CUL2: variants seen among roughly 807,000 people sequenced by gnomAD.
CUL2 encodes cullin-2.
A neutral mutation model predicts 110.2 loss-of-function variants in CUL2; 22 were observed. The ratio of observed to expected loss-of-function variants is 0.20; its 90% CI spans 0.14 to 0.28. CUL2 has a LOEUF of 0.28. CUL2 is among the 10% of genes least tolerant of loss of function. The pLI is 1.00. For synonymous variants in CUL2, 279 were observed against 293.2 expected (o/e 0.95, Z 0.49); for missense variants, 631 against 905.5 (o/e 0.70, Z 3.89).
chr10:35,060,002 G>A (rs1564730250), intron 4 of CUL2, among the ~76,000 whole-genome samples: 1 of 152,216 alleles, frequency 6.6e-6, no homozygotes, highest in Non-Finnish European at 1.5e-5. Context: ...GCTCATGCCT[G>A]TAATCCCAGC....
chr10:35,044,051 C>CAAA (rs534515519), intron 8 of CUL2, among the ~76,000 whole-genome samples: 45 of 87,746 alleles, frequency 5.1e-4, no homozygotes, highest in African/African-American at 1.2e-3. Context: ...ACCACATCTC[C>CAAA]AAAAAAAAAA....
At chr10:35,099,389 A>T (rs2087345213) in intron 2 of CUL2, 2 of 111,258 alleles carry the variant, frequency 1.8e-5, no homozygotes, top group Non-Finnish European at 3.6e-5. Context: ...GACTCCGTCT[A>T]AAAAAAAAAA....
intron 1 of CUL2, among the ~76,000 whole-genome samples, chr10:35,119,312 C>T (rs537246654): frequency 6.6e-6 from 1 of 152,218 alleles, no homozygotes; most frequent in Admixed American, 6.5e-5. Context: ...GAGGTAAATA[C>T]TAAACAAAGT....
At chr10:35,097,520 G>C (rs2087316530) in intron 2 of CUL2, among the ~76,000 whole-genome samples, 1 of 149,810 alleles carries the variant, frequency 6.7e-6, no homozygotes, top group East Asian at 2.0e-4. Context: ...AGAACTTACA[G>C]TGGTGCAATC....
At chr10:35,063,644 G>A (rs1050557431) in intron 2 of CUL2, among the ~76,000 whole-genome samples, 5 of 151,936 alleles carry the variant, frequency 3.3e-5, no homozygotes, top group Admixed American at 6.6e-5. Flanking sequence ...AAGTCTCACC[G>A]GAGGTAGATA....
intron 1 of CUL2, among the ~76,000 whole-genome samples, chr10:35,111,257 T>C (rs1339945232): frequency 1.4e-5 from 2 of 138,070 alleles, no homozygotes; most frequent in African/African-American, 2.7e-5. Flanking sequence ...TATGAGAAGA[T>C]TTTTTTTTTT....
At chr10:35,108,621 A>T (rs751017334) in intron 1 of CUL2, among the ~76,000 whole-genome samples, 7 of 152,124 alleles carry the variant, frequency 4.6e-5, no homozygotes, top group African/African-American at 1.2e-4. Flanking sequence ...CAGATTTGGG[A>T]ATGTATTAGC....
intron 1 of CUL2, among the ~76,000 whole-genome samples, chr10:35,082,616 G>C (rs894667113): frequency 3.3e-5 from 5 of 152,120 alleles, no homozygotes; most frequent in African/African-American, 1.2e-4. Context: ...ACAAAGTTCT[G>C]ATGTCAGAGA....
intron 8 of CUL2, among the ~76,000 whole-genome samples, chr10:35,040,525 C>T (rs1463033110): frequency 2.6e-5 from 4 of 152,084 alleles, no homozygotes; most frequent in Non-Finnish European, 4.4e-5. Flanking sequence ...TCCTGGAAAG[C>T]GGATCAGAAA....
At chr10:35,063,435 T>C (rs2134937616) in intron 2 of CUL2, among the ~76,000 whole-genome samples, 1 of 152,278 alleles carries the variant, frequency 6.6e-6, no homozygotes, top group Middle Eastern at 3.4e-3. Context: ...TTAGTATTCA[T>C]AGTATCAATG....
At chr10:35,039,205 G>A in intron 8 of CUL2, 123 bp from the exon 9 acceptor site, 1 of 517,412 alleles carries the variant, frequency 1.9e-6, no homozygotes. Context: ...GGTAATAAGG[G>A]TTACATAAGC....
chr10:35,047,069 C>T (rs1442354669), intron 6 of CUL2, among the ~76,000 whole-genome samples: 1 of 152,018 alleles, frequency 6.6e-6, no homozygotes, highest in Non-Finnish European at 1.5e-5. Context: ...TAAAGAAGAA[C>T]AAAATGATAG....
At chr10:35,027,747 AAAAAT>A (rs1276726197) in intron 16 of CUL2, among the ~76,000 whole-genome samples, 1 of 152,178 alleles carries the variant, frequency 6.6e-6, no homozygotes, top group East Asian at 1.9e-4. Flanking sequence ...TTACTAGAAA[AAAAAT>A]AAAGGACAAA....
At chr10:35,078,480 T>C (rs1436311892) in intron 1 of CUL2, among the ~76,000 whole-genome samples, 2 of 151,930 alleles carry the variant, frequency 1.3e-5, no homozygotes, top group African/African-American at 4.8e-5. Context: ...TTTTTTTTTT[T>C]AGTAGAGACG....
intron 14 of CUL2, among the ~76,000 whole-genome samples, chr10:35,029,964 T>C (rs1043809373): frequency 1.3e-5 from 2 of 152,330 alleles, no homozygotes; most frequent in African/African-American, 4.8e-5. Flanking sequence ...ATAAGATACC[T>C]TAAAAGGATT....
chr10:35,044,037 C>CA (rs2085868166), intron 8 of CUL2, among the ~76,000 whole-genome samples: 1 of 111,204 alleles, frequency 9.0e-6, no homozygotes, highest in African/African-American at 3.5e-5. Context: ...GGCACCAGAG[C>CA]AAGACCACAT....
At position 35,016,342 on chromosome 10, in the gene CUL2, T is replaced by A; in HGVS notation, c.1737A>T (p.Thr579=). The A allele has an allele frequency of 1.9e-6, 3 of 1,613,822 alleles. No homozygotes were observed. The highest frequency in any genetic ancestry group is 2.5e-6 in the Non-Finnish European group (3 of 1,179,822). The change falls in exon 18 of 21, where the codon ACA becomes ACT. Residue 579 remains threonine, a synonymous_variant. Transcript: ENST00000374749. ...LGKPYVAMVT[T]YQMAVLLAFN... ...AGGCAAGAAGAACTGCCATTTGGTA[T>A]GTTGTAACCATGGCTACATATGGTT...
chr10:35,056,122 A>G lies in CUL2; in HGVS notation c.318-1583T>C, dbSNP rs537949315. On this transcript the variant is annotated intron_variant, in intron 4 of 20. Transcript: ENST00000374749. Reference sequence around the variant, plus strand: ...CTTTTATTGGTTTCTTTTTTTGTGCATTCATCTTCTCTCTAGAATGTACAG... The same window carrying G: ...CTTTTATTGGTTTCTTTTTTTGTGCGTTCATCTTCTCTCTAGAATGTACAG... 1.1e-4 allele frequency among the ~76,000 whole-genome samples: 16 copies of G among 152,294 alleles called. No homozygotes were observed. In the East Asian group the frequency reaches 2.9e-3, roughly 28 times the overall value.
At chr10:35,040,859 GCT>G (rs2085768263) in intron 8 of CUL2, among the ~76,000 whole-genome samples, 1 of 152,168 alleles carries the variant, frequency 6.6e-6, no homozygotes, top group African/African-American at 2.4e-5. Context: ...TGGAGTTTGC[GCT>G]CTGTGAGAAT....
Sources: allele counts gnomAD v4.1 joint callset (sites outside exome capture counted in the v4.1 genomes callset), GRCh38; gene constraint gnomAD v4.1.1; transcripts MANE v1.5; gene names NCBI Gene and HGNC (gene_info 2026-07-23, HGNC 2026-07-21).